WDR7: variants seen among roughly 807,000 people sequenced by gnomAD.
The protein encoded by WDR7 is WD repeat-containing protein 7.
Under a neutral mutation model 169.4 loss-of-function variants are expected in WDR7, and 46 were observed. That is an observed-to-expected ratio of 0.27 (90% CI 0.21 to 0.35). WDR7 has a LOEUF of 0.35. Among genes scored for constraint, WDR7 ranks in the 10% least tolerant of loss-of-function variants. The probability of loss-of-function intolerance (pLI) is 1.00; values close to 1 mark genes in which losing one functional copy is unlikely to be tolerated. For missense variants in WDR7, 1,534 were observed against 1,859.3 expected, an observed-to-expected ratio of 0.83 and a Z score of 3.22; for synonymous variants, 612 against 666.8, an observed-to-expected ratio of 0.92 and a Z score of 1.27.
At chr18:56,811,620 T>C (rs959660101) in intron 19 of WDR7, among the ~76,000 whole-genome samples, 11 of 152,190 alleles carry the variant, frequency 7.2e-5, no homozygotes, top group African/African-American at 2.7e-4. Flanking sequence ...ATGTATTAGA[T>C]TTCAGTCCAT....
intron 16 of WDR7, among the ~76,000 whole-genome samples, chr18:56,770,135 A>G (rs1358558663): frequency 1.3e-5 from 2 of 152,184 alleles, no homozygotes; most frequent in Non-Finnish European, 2.9e-5. Context: ...CTACGTGCTG[A>G]GGCTGTAAGG....
At chr18:56,871,365 G>A (rs573475357) in intron 20 of WDR7, among the ~76,000 whole-genome samples, 1 of 152,204 alleles carries the variant, frequency 6.6e-6, no homozygotes, top group African/African-American at 2.4e-5. Flanking sequence ...AATTATTTTA[G>A]TCTCTACATG....
chr18:56,938,785 T>TGCTG, intron 24 of WDR7, 103 bp downstream of exon 24: 1 of 1,338,084 alleles, frequency 7.5e-7, no homozygotes, highest in Non-Finnish European at 1.0e-6. Context: ...CTAAAAGAGA[T>TGCTG]GAAGGGTGAG....
At chr18:56,905,101 T>C (rs2046458135) in intron 21 of WDR7, among the ~76,000 whole-genome samples, 1 of 152,186 alleles carries the variant, frequency 6.6e-6, no homozygotes, top group Admixed American at 6.5e-5. Flanking sequence ...AAGGAACTTG[T>C]AGACTGTATT....
chr18:56,848,499 G>T lies in WDR7; in HGVS notation c.3305-31445G>T, dbSNP rs563294848. ...AAGGCATGACTGTATTTTGCAATGT[G>T]AGAAGGACATAAGATTAGGGGGCCA... On this transcript the variant is annotated intron_variant, in intron 20 of 27. Coordinates refer to ENST00000254442, the MANE Select transcript of WDR7 (RefSeq NM_015285.3). Among the ~76,000 whole-genome samples, 359 of 152,248 alleles carry T rather than the reference G, an allele frequency of 2.4e-3. 3 individuals are homozygous for T. Among genetic ancestry groups the T allele is most frequent in the African/African-American group, 8.4e-3 (348 of 41,536 alleles).
chr18:56,870,076 C>A (rs950467641), intron 20 of WDR7, among the ~76,000 whole-genome samples: 5 of 152,196 alleles, frequency 3.3e-5, no homozygotes, highest in African/African-American at 1.2e-4. Context: ...TCCCATTTAA[C>A]AAATTTAGCT....
At chr18:56,801,515 T>C (rs1424852050) in intron 19 of WDR7, among the ~76,000 whole-genome samples, 1 of 152,218 alleles carries the variant, frequency 6.6e-6, no homozygotes, top group African/African-American at 2.4e-5. Flanking sequence ...GATAGATCTT[T>C]AGGTTTTGAT....
chr18:56,979,747 T>A (rs1289823411), intron 26 of WDR7, among the ~76,000 whole-genome samples: 1 of 151,470 alleles, frequency 6.6e-6, no homozygotes, highest in Non-Finnish European at 1.5e-5. Flanking sequence ...TGAAGTAATA[T>A]ATTTCTATTT....
In WDR7 at chr18:56,878,705, T is replaced by A. The variant is rs138933123; in HGVS notation, c.3305-1239T>A. Among the ~76,000 whole-genome samples, 340 of 152,304 alleles carry A rather than the reference T, an allele frequency of 2.2e-3. 2 individuals carry two copies. Among genetic ancestry groups the A allele is most frequent in the Admixed American group, 3.8e-3 (58 of 15,290 alleles). ...CATTACTCCCTAAAACTAGTACTTATTAGCTATTGTTAACCATTTTACCCC... is the reference window on the plus strand; with the variant it reads ...CATTACTCCCTAAAACTAGTACTTAATAGCTATTGTTAACCATTTTACCCC... On this transcript the variant is annotated intron_variant, in intron 20 of 27. Transcript: ENST00000254442.
intron 21 of WDR7, among the ~76,000 whole-genome samples, chr18:56,916,378 T>C (rs2046626066): frequency 6.6e-6 from 1 of 152,096 alleles, no homozygotes; most frequent in Non-Finnish European, 1.5e-5. Context: ...TTTGGTTTTC[T>C]GTCCTTGCGA....
At chr18:56,810,991 T>C (rs910734739) in intron 19 of WDR7, among the ~76,000 whole-genome samples, 10 of 152,180 alleles carry the variant, frequency 6.6e-5, no homozygotes, top group Non-Finnish European at 1.2e-4. Context: ...TTACTTTCTG[T>C]CTCCATAGGT....
At chr18:56,914,689 C>T (rs1439578792) in intron 21 of WDR7, among the ~76,000 whole-genome samples, 1 of 152,096 alleles carries the variant, frequency 6.6e-6, no homozygotes, top group Non-Finnish European at 1.5e-5. Context: ...ACATCTGTTT[C>T]TGTTATTTAC....
intron 16 of WDR7, among the ~76,000 whole-genome samples, chr18:56,763,587 A>T (rs2044015334): frequency 6.6e-6 from 1 of 152,104 alleles, no homozygotes; most frequent in Admixed American, 6.5e-5. Flanking sequence ...AGTTTTGCTG[A>T]TAGGATAATG....
chr18:56,738,470 A>G (rs886122562), intron 14 of WDR7, among the ~76,000 whole-genome samples: 6 of 152,068 alleles, frequency 3.9e-5, no homozygotes, highest in Non-Finnish European at 7.4e-5. Flanking sequence ...GGGTGGGAGG[A>G]TTGCTTGAGC....
intron 14 of WDR7, among the ~76,000 whole-genome samples, chr18:56,743,595 A>G (rs2043653246): frequency 6.6e-6 from 1 of 152,204 alleles, no homozygotes; most frequent in Non-Finnish European, 1.5e-5. Flanking sequence ...CTTTTTAAGA[A>G]CTGTCTTCCC....
intron 20 of WDR7, among the ~76,000 whole-genome samples, chr18:56,835,038 T>C (rs1166201483): frequency 2.0e-5 from 3 of 152,178 alleles, no homozygotes; most frequent in Admixed American, 1.3e-4. Context: ...CTCTACCTTT[T>C]CATCAGCCCT....
chr18:57,026,918 G>A (rs187725050), intron 27 of WDR7, 86 bp from the exon 28 acceptor site: 23 of 1,355,460 alleles, frequency 1.7e-5, no homozygotes, highest in African/African-American at 1.2e-4. Flanking sequence ...GGAGGGGAAA[G>A]TAGCCAGGAG....
At chr18:56,866,344 T>G (rs1007486888) in intron 20 of WDR7, among the ~76,000 whole-genome samples, 6 of 149,398 alleles carry the variant, frequency 4.0e-5, no homozygotes, top group African/African-American at 5.0e-5. Flanking sequence ...AGTTTTTCTG[T>G]TTTTTTTTAA....
intron 25 of WDR7, among the ~76,000 whole-genome samples, chr18:56,943,997 T>G (rs1264271700): frequency 1.2e-4 from 16 of 138,412 alleles, no homozygotes; most frequent in African/African-American, 4.4e-4. Flanking sequence ...TTTTTTTTTT[T>G]TTTTTTTTTT....
Sources: gnomAD v4.1 joint callset for allele counts (sites outside exome capture counted in the v4.1 genomes callset) on GRCh38, gnomAD v4.1.1 for gene constraint, MANE v1.5 for transcripts, NCBI Gene and HGNC (gene_info 2026-07-23, HGNC 2026-07-21) for gene names.